MAPK6: variants seen among roughly 807,000 people sequenced by gnomAD.
The protein encoded by MAPK6 is ERK-3.
MAPK6 carries 19 observed loss-of-function variants against 59.3 expected under a neutral mutation model. The ratio of observed to expected loss-of-function variants is 0.32; its 90% confidence interval spans 0.22 to 0.47. MAPK6 has a LOEUF of 0.47. Among genes scored for constraint, MAPK6 ranks in the 20% least tolerant of loss-of-function variants. The pLI is 1.00. For missense variants in MAPK6, 724 were observed against 847.9 expected (o/e 0.85, Z 1.81); for synonymous variants, 316 against 290.3 (o/e 1.09, Z -0.90).
intron 3 of MAPK6, among the ~76,000 whole-genome samples, chr15:52,012,649 A>G (rs1007506483): frequency 1.3e-5 from 2 of 152,090 alleles, no homozygotes; most frequent in Admixed American, 1.3e-4. Context: ...TGTATGTTTT[A>G]TAGCTCCCTT....
At position 52,019,599 on chromosome 15, in the gene MAPK6, C is replaced by G. The variant is rs572162442; in HGVS notation, c.-632+223C>G. Among the ~76,000 whole-genome samples, 188 of 146,282 alleles carry G rather than the reference C, an allele frequency of 1.3e-3. 2 individuals are homozygous for G. Among genetic ancestry groups the G allele is most frequent in the African/African-American group, 4.4e-3 (181 of 40,962 alleles). On this transcript the variant is annotated intron_variant, in intron 1 of 5. Transcript: ENST00000261845. ...CCCGCCCGCTCGGGCCTGGCCGGCGCGTCCCCGCGCGGGCGGGCGGGCGGC... is the reference window on the plus strand; with the variant it reads ...CCCGCCCGCTCGGGCCTGGCCGGCGGGTCCCCGCGCGGGCGGGCGGGCGGC...
chr15:52,027,281 C>T (rs946979000), intron 1 of MAPK6, among the ~76,000 whole-genome samples: 7 of 136,406 alleles, frequency 5.1e-5, no homozygotes, highest in Admixed American at 8.7e-5. Flanking sequence ...ACCCAGCAGG[C>T]GGAGCTTGCA....
intron 1 of MAPK6, among the ~76,000 whole-genome samples, chr15:52,025,650 A>G (rs2030741662): frequency 1.3e-5 from 2 of 152,050 alleles, no homozygotes; most frequent in Non-Finnish European, 2.9e-5. Context: ...AAAATACAAA[A>G]AATTAGCCGG....
At chr15:52,031,964 G>T (rs987524307) in intron 1 of MAPK6, among the ~76,000 whole-genome samples, 3 of 151,256 alleles carry the variant, frequency 2.0e-5, no homozygotes, top group African/African-American at 7.3e-5. Context: ...ACAGTGACAC[G>T]ATCTCGGCTC....
intron 1 of MAPK6, among the ~76,000 whole-genome samples, chr15:52,022,525 G>C (rs188939711): frequency 1.2e-4 from 18 of 152,256 alleles, no homozygotes. Flanking sequence ...GCCTTCCAGA[G>C]TGTTGGGATT....
In MAPK6 at chr15:52,039,674, C is replaced by T. The variant is rs543553555; in HGVS notation, c.-631-6156C>T. 7.2e-5 allele frequency among the ~76,000 whole-genome samples: 11 copies of T among 152,004 alleles called. No individual in the cohort carries two copies. In the East Asian group the frequency reaches 2.1e-3, roughly 29 times the overall value. On this transcript the variant is annotated intron_variant, in intron 1 of 5. Transcript: ENST00000261845. ...GGGATTACAGGTGTGAGCCACGACA[C>T]CTGGCTAGTTTTTGTATTGTTAGTA...
intron 1 of MAPK6, among the ~76,000 whole-genome samples, chr15:51,974,481 C>T (rs1169310873): frequency 1.3e-5 from 2 of 150,490 alleles, no homozygotes; most frequent in Non-Finnish European, 3.0e-5. Context: ...ACAGTGACCC[C>T]GTCTCTACTA....
intron 1 of MAPK6, among the ~76,000 whole-genome samples, chr15:51,978,122 A>G (rs1322655108): frequency 6.7e-6 from 1 of 148,846 alleles, no homozygotes; most frequent in Non-Finnish European, 1.5e-5. Flanking sequence ...AAAAGGAATT[A>G]CTGATGACAG....
At chr15:52,005,245 C>T (rs368450748) in intron 3 of MAPK6, among the ~76,000 whole-genome samples, 1 of 151,986 alleles carries the variant, frequency 6.6e-6, no homozygotes, top group Non-Finnish European at 1.5e-5. Flanking sequence ...GAGATCTGGG[C>T]CAGGTGCGGT....
chr15:52,049,907 C>A, intron 2 of MAPK6, 86 bp from the exon 3 acceptor site: 2 of 1,275,540 alleles, frequency 1.6e-6, no homozygotes, highest in Non-Finnish European at 1.1e-6. Context: ...GCCACCACGC[C>A]TGGCAAATTA....
chr15:51,973,394 C>T (rs1343674743), intron 1 of MAPK6, among the ~76,000 whole-genome samples: 2 of 151,794 alleles, frequency 1.3e-5, no homozygotes, highest in Non-Finnish European at 2.9e-5. Context: ...TAGGCTGGAG[C>T]GCAGTGGCGC....
At chr15:52,058,180 A>C (rs1401357072) in intron 3 of MAPK6, among the ~76,000 whole-genome samples, 1 of 152,234 alleles carries the variant, frequency 6.6e-6, no homozygotes, top group East Asian at 1.9e-4. Context: ...TAGAAATGCT[A>C]ACTGAGCCCT....
chr15:52,063,858 A>AAATCATATACGT, intron 5 of MAPK6, 44 bp from the exon 6 acceptor site: 1 of 1,498,006 alleles, frequency 6.7e-7, no homozygotes. Context: ...TTTGAAAATG[A>AAATCATATACGT]AATCATATAC....
chr15:51,983,612 C>G (rs576646901), intron 2 of MAPK6, among the ~76,000 whole-genome samples: 10 of 152,028 alleles, frequency 6.6e-5, no homozygotes, highest in Non-Finnish European at 1.2e-4. Flanking sequence ...CAGTTGGAGA[C>G]CAGCCTGGGC....
At chr15:52,016,844 G>T (rs1421986754), upstream of MAPK6, among the ~76,000 whole-genome samples, 8 of 152,146 alleles carry the variant, frequency 5.3e-5, no homozygotes, top group African/African-American at 1.9e-4. Flanking sequence ...AGGAGATCGA[G>T]ACCATCCTGG....
chr15:52,044,958 A>G (rs1384655844), intron 1 of MAPK6, among the ~76,000 whole-genome samples: 1 of 137,148 alleles, frequency 7.3e-6, no homozygotes, highest in African/African-American at 2.8e-5. Context: ...TGCAATATAC[A>G]TATGTACTTA....
rs571371244 is a variant in MAPK6 at position 52,019,235 on chromosome 15, C to G, written c.-773C>G. On this transcript the variant is annotated 5_prime_UTR_variant, in exon 1 of 6. Coordinates refer to ENST00000261845, the MANE Select transcript of MAPK6 (RefSeq NM_002748.4). ...CCGCCCCCTCTTCCTCGCCCTCTCT[C>G]GCGGGTCGGGGTTACATGGCGGCGA... 11 of 152,170 alleles carry G rather than the reference C, an allele frequency of 7.2e-5. No individual in the cohort carries two copies. The highest frequency in any genetic ancestry group is 1.9e-4 in the East Asian group (1 of 5,134). The allele number at this position is 152,170 out of a possible 1,614,324, so 9.4% of individuals were successfully genotyped here. A position where few individuals can be genotyped will look rare whatever the true frequency, so the allele number is the denominator to read the frequency against.
At chr15:52,047,064 A>T in intron 2 of MAPK6, 49 bp downstream of exon 2, 4 of 1,297,800 alleles carry the variant, frequency 3.1e-6, no homozygotes, top group Non-Finnish European at 4.2e-6. Context: ...GATACACCTA[A>T]TCAGGAATAG....
At chr15:51,992,305 A>ATTTTTTTT (rs61396800) in intron 2 of MAPK6, among the ~76,000 whole-genome samples, 2 of 101,422 alleles carry the variant, frequency 2.0e-5, no homozygotes, top group African/African-American at 7.5e-5. Flanking sequence ...ATATATATAT[A>ATTTTTTTT]TTTTTTTTTT....
Sources: allele counts gnomAD v4.1 joint callset (sites outside exome capture counted in the v4.1 genomes callset), GRCh38; gene constraint gnomAD v4.1.1; transcripts MANE v1.5; gene names NCBI Gene and HGNC (gene_info 2026-07-23, HGNC 2026-07-21).